Variants in KATNBL1 observed in about 807,000 individuals in gnomAD.
KATNBL1 encodes the protein KATNB1-like protein 1.
Under a neutral mutation model 44.7 loss-of-function variants are expected in KATNBL1, and 28 were observed. That is an observed-to-expected ratio of 0.63 (90% confidence interval 0.46 to 0.86). The LOEUF (loss-of-function observed/expected upper bound fraction) is 0.86, where lower values mean the gene tolerates loss of function less well. KATNBL1 is among the 40% of genes least tolerant of loss of function. The pLI is 0.00. For missense variants in KATNBL1, 272 were observed against 350.7 expected, an observed-to-expected ratio of 0.78 and a Z score of 1.79; for synonymous variants, 78 against 114.9, an observed-to-expected ratio of 0.68 and a Z score of 2.06.
chr15:34,200,073 G>C lies in KATNBL1; in HGVS notation c.-15+9878C>G, dbSNP rs1224588327. ...TGGTGCATTTACAATCCTCTAGCTA[G>C]ACACAGAGCACTGATGGGTGCATTT... On this transcript the variant is annotated intron_variant, in intron 1 of 9. Transcript: ENST00000256544. 3.3e-5 allele frequency among the ~76,000 whole-genome samples: 5 copies of C among 152,194 alleles called. No homozygotes were observed. The East Asian group carries it at 7.7e-4, about 24-fold the overall frequency.
intron 1 of KATNBL1, among the ~76,000 whole-genome samples, chr15:34,178,162 A>C (rs80043228): frequency 6.6e-6 from 1 of 152,320 alleles, no homozygotes; most frequent in East Asian, 1.9e-4. Context: ...TATTTTCGTT[A>C]ATTGAATTCA....
chr15:34,198,084 C>T (rs1215141205), intron 1 of KATNBL1, among the ~76,000 whole-genome samples: 1 of 151,984 alleles, frequency 6.6e-6, no homozygotes. Flanking sequence ...AAAAAGAGGA[C>T]GATACGCTAA....
intron 1 of KATNBL1, among the ~76,000 whole-genome samples, chr15:34,170,522 T>G (rs867569125): frequency 1.3e-5 from 2 of 152,154 alleles, no homozygotes; most frequent in Non-Finnish European, 2.9e-5. Flanking sequence ...CCAAGGTAAT[T>G]TATAGATTCA....
At chr15:34,175,830 A>C (rs1431675117) in intron 1 of KATNBL1, among the ~76,000 whole-genome samples, 2 of 151,880 alleles carry the variant, frequency 1.3e-5, no homozygotes, top group African/African-American at 4.8e-5. Flanking sequence ...ACGCCATTGC[A>C]CTCCAGCCTG....
intron 1 of KATNBL1, among the ~76,000 whole-genome samples, chr15:34,167,888 C>T (rs1043110847): frequency 6.6e-6 from 1 of 152,080 alleles, no homozygotes; most frequent in African/African-American, 2.4e-5. Context: ...AAGCAAATAC[C>T]AAGAGATTTT....
intron 1 of KATNBL1, among the ~76,000 whole-genome samples, chr15:34,170,164 T>G (rs1012841604): frequency 6.6e-6 from 1 of 152,224 alleles, no homozygotes; most frequent in Non-Finnish European, 1.5e-5. Flanking sequence ...TGTTTGCAGA[T>G]GACATGATTG....
At chr15:34,165,670 C>A (rs1433932921) in intron 1 of KATNBL1, among the ~76,000 whole-genome samples, 2 of 152,082 alleles carry the variant, frequency 1.3e-5, no homozygotes, top group Non-Finnish European at 2.9e-5. Context: ...GTGGTGGGAC[C>A]TGTAATCCCA....
chr15:34,200,829 G>GT (rs1890160583), intron 1 of KATNBL1, among the ~76,000 whole-genome samples: 1 of 141,326 alleles, frequency 7.1e-6, no homozygotes, highest in South Asian at 2.2e-4. Context: ...GTTTTGTTTT[G>GT]TTTTTTGAGA....
chr15:34,164,957 A>C (rs545323884), intron 1 of KATNBL1, among the ~76,000 whole-genome samples: 1 of 152,242 alleles, frequency 6.6e-6, no homozygotes, highest in Non-Finnish European at 1.5e-5. Flanking sequence ...CAATTCTCCA[A>C]AAATATGAAC....
At chr15:34,184,119 C>T (rs1217898154) in intron 1 of KATNBL1, among the ~76,000 whole-genome samples, 4 of 152,218 alleles carry the variant, frequency 2.6e-5, no homozygotes, top group Admixed American at 1.3e-4. Flanking sequence ...CTGGCTAACC[C>T]GGTGAAACCC....
At chr15:34,162,874 A>G (rs1005337327) in intron 2 of KATNBL1, among the ~76,000 whole-genome samples, 1 of 151,950 alleles carries the variant, frequency 6.6e-6, no homozygotes, top group African/African-American at 2.4e-5. Context: ...TCAGCCTCCG[A>G]AAGTGCTGGG....
chr15:34,174,468 G>T (rs1422546840), intron 1 of KATNBL1, among the ~76,000 whole-genome samples: 2 of 152,106 alleles, frequency 1.3e-5, no homozygotes, highest in African/African-American at 2.4e-5. Context: ...ATAGACTTAA[G>T]CTCTGACATA....
At position 34,209,994 on chromosome 15, in the gene KATNBL1, T is replaced by C. The variant is rs1450459705; in HGVS notation, c.-58A>G. On this transcript the variant is annotated 5_prime_UTR_variant, in exon 1 of 10. Transcript: ENST00000256544. The stretch of plus-strand genomic sequence containing the variant: ...CGGCGCCTCAGCCCAGCCTCGGCGC[T>C]GACGACCAGCGCCCGGCAGCCTAGA... 1 of 151,426 alleles carries C rather than the reference T, an allele frequency of 6.6e-6. No individual in the cohort carries two copies. Among genetic ancestry groups the C allele is most frequent in the Non-Finnish European group, 1.5e-5 (1 of 67,788 alleles). 9.4% of individuals were successfully genotyped at this position (151,426 alleles called of 1,614,324 possible). A position where few individuals can be genotyped will look rare whatever the true frequency, so the allele number is the denominator to read the frequency against.
intron 1 of KATNBL1, among the ~76,000 whole-genome samples, chr15:34,175,170 T>C (rs1435011434): frequency 6.6e-6 from 1 of 151,354 alleles, no homozygotes; most frequent in Non-Finnish European, 1.5e-5. Context: ...ATATATAATA[T>C]ATATGTACAT....
intron 1 of KATNBL1, among the ~76,000 whole-genome samples, chr15:34,172,138 T>C (rs1044930051): frequency 3.3e-5 from 5 of 151,862 alleles, no homozygotes; most frequent in African/African-American, 1.2e-4. Context: ...AACAAGTAGA[T>C]AGATTGAATA....
intron 1 of KATNBL1, among the ~76,000 whole-genome samples, chr15:34,192,015 C>T (rs1889888256): frequency 6.7e-6 from 1 of 149,598 alleles, no homozygotes; most frequent in Admixed American, 6.7e-5. Flanking sequence ...AGGATTTGCA[C>T]AGAATAGGGA....
At chr15:34,174,826 G>A (rs1365627732) in intron 1 of KATNBL1, among the ~76,000 whole-genome samples, 2 of 152,002 alleles carry the variant, frequency 1.3e-5, no homozygotes, top group African/African-American at 2.4e-5. Flanking sequence ...ATTTTTAGTC[G>A]AGATGGGGTT....
chr15:34,151,151 T>C (rs1888457676), intron 4 of KATNBL1, among the ~76,000 whole-genome samples: 1 of 152,210 alleles, frequency 6.6e-6, no homozygotes, highest in Admixed American at 6.5e-5. Context: ...TTAAGTTCTT[T>C]GAAAAATTGT....
At chr15:34,162,328 A>T (rs1567522811) in intron 2 of KATNBL1, among the ~76,000 whole-genome samples, 2 of 151,198 alleles carry the variant, frequency 1.3e-5, no homozygotes, top group Non-Finnish European at 3.0e-5. Flanking sequence ...ATAAGGGGAA[A>T]CCCCTTTCAA....
Sources: allele counts gnomAD v4.1 joint callset (sites outside exome capture counted in the v4.1 genomes callset), GRCh38; gene constraint gnomAD v4.1.1; transcripts MANE v1.5; gene names NCBI Gene and HGNC (gene_info 2026-07-23, HGNC 2026-07-21).